Variants in TCEAL8 observed in about 807,000 individuals in gnomAD.
The protein encoded by TCEAL8 is transcription elongation factor A like 8.
For missense variants in TCEAL8, 78 were observed against 92.0 expected (o/e 0.85, Z 0.62); for synonymous variants, 41 against 29.6 (o/e 1.38, Z -1.25).
chrX:103,253,725 A>C lies in TCEAL8; in HGVS notation c.255T>G (p.Leu85=). The C allele has an allele frequency of 2.5e-6, 3 of 1,211,694 alleles. No homozygotes were observed. Among genetic ancestry groups the C allele is most frequent in the Non-Finnish European group, 3.4e-6 (3 of 895,392 alleles). ...MIRGVDELER[L]REEIRRVRNK... is the part of the protein sequence containing the mutation. ...TTCTTACTCTTCTTATCTCTTCCCT[A>C]AGCCTTTCAAGCTCATCTACTCCTC... The change falls in exon 3 of 3, where the codon CTT becomes CTG. Residue 85 remains leucine (L), a synonymous_variant. Coordinates refer to ENST00000372685, the MANE Select transcript of TCEAL8 (RefSeq NM_153333.3).
chrX:103,253,317 C>T lies in TCEAL8; in HGVS notation c.*309G>A, dbSNP rs1422745926. On this transcript the variant is annotated 3_prime_UTR_variant, in exon 3 of 3. Transcript: ENST00000372685. ...GTATGTATACACACACGCACACACA[C>T]AAAGTTTGGAATTTTATCCTACATA... is the stretch of plus-strand genomic sequence containing the variant. 1 of 286,833 alleles carries T rather than the reference C, an allele frequency of 3.5e-6. No individual in the cohort carries two copies. The highest frequency in any genetic ancestry group is 6.1e-6 in the Non-Finnish European group (1 of 163,974). The allele number at this position is 286,833 out of a possible 1,213,427, so 23.6% of individuals were successfully genotyped here.
Position 103,253,832 on chromosome X carries a change from G to A in TCEAL8, c.148C>T (p.Pro50Ser). The A allele has an allele frequency of 8.3e-7, 1 of 1,211,966 alleles. No individual in the cohort carries two copies. Among genetic ancestry groups the A allele is most frequent in the South Asian group, 1.8e-5 (1 of 57,017 alleles). The change falls in exon 3 of 3, where the codon CCC becomes TCC. Residue 50 changes from proline (P) to serine (S), a missense_variant. Transcript: ENST00000372685. ...CCAGGCTGATTCGGCCCTCCTCTGG[G>A]GTTTCCTTCTGCTTCCTGGCTTACG... ...EGVSQEAEGN[P>S]RGGPNQPGQG...
At chrX:103,254,225 C>T (rs1407216093) in intron 2 of TCEAL8, among the ~76,000 whole-genome samples, 2 of 110,651 alleles carry the variant, frequency 1.8e-5, no homozygotes, top group Non-Finnish European at 3.8e-5. Context: ...TCTTTCTCCT[C>T]CTGCTCCTGC....
rs1426119639 is a variant in TCEAL8 at position 103,254,624 on chromosome X, T to C, written c.-58A>G. The C allele has an allele frequency of 1.8e-5, 2 of 111,379 alleles. No homozygotes were observed. Among genetic ancestry groups the C allele is most frequent in the Non-Finnish European group, 3.8e-5 (2 of 53,137 alleles). The allele number at this position is 111,379 out of a possible 1,213,427, so 9.2% of individuals were successfully genotyped here. A position where few individuals can be genotyped will look rare whatever the true frequency, so the allele number is the denominator to read the frequency against. On this transcript the variant is annotated 5_prime_UTR_variant, in exon 2 of 3. Coordinates refer to ENST00000372685, the MANE Select transcript of TCEAL8 (RefSeq NM_153333.3). ...ACTGACCTGCAGGGATTCAGGGGATTTTCCTCTCTCTTCCCTCACCTCGAT... is the reference window on the plus strand; with the variant it reads ...ACTGACCTGCAGGGATTCAGGGGATCTTCCTCTCTCTTCCCTCACCTCGAT...
chrX:103,253,897 G>A lies in TCEAL8; in HGVS notation c.83C>T (p.Pro28Leu). 8.3e-7 allele frequency: 1 copy of A among 1,211,860 alleles called. No individual in the cohort carries two copies. The highest frequency in any genetic ancestry group is 1.1e-6 in the Non-Finnish European group (1 of 895,434). ...TTGAGGATTTCCTTCTGCCTCCTGT[G>A]GTACATCCTCCAAAGGGCGATCTTC... is the stretch of plus-strand genomic sequence containing the variant. ...AEEDRPLEDV[P>L]QEAEGNPQPS... is the part of the protein sequence containing the mutation. The change falls in exon 3 of 3, where the codon CCA (proline) becomes CTA (leucine). Residue 28 changes from proline (P) to leucine (L), a missense_variant. Physicochemically the swap from Pro to Leu is moderately conservative, Grantham distance 98 (BLOSUM62 -3). Coordinates refer to ENST00000372685, the MANE Select transcript of TCEAL8 (RefSeq NM_153333.3).
At position 103,253,913 on chromosome X, in the gene TCEAL8, G is replaced by A. The variant is rs1219144908; in HGVS notation, c.67C>T (p.Pro23Ser). 8.3e-7 allele frequency: 1 copy of A among 1,211,795 alleles called. No individual in the cohort carries two copies. The highest frequency in any genetic ancestry group is 2.2e-5 in the Admixed American group (1 of 46,078). ...QNMPKAEEDRPLEDVPQEAEG... is the reference protein window; with the variant it reads ...QNMPKAEEDRSLEDVPQEAEG... ...GCCTCCTGTGGTACATCCTCCAAAG[G>A]GCGATCTTCCTCGGCCTTTGGCATG... The change falls in exon 3 of 3, where the codon CCT (proline) becomes TCT (serine). Residue 23 changes from proline to serine, a missense_variant. Transcript: ENST00000372685.
At chrX:103,254,263 C>T (rs1303238626) in intron 2 of TCEAL8, among the ~76,000 whole-genome samples, 1 of 110,589 alleles carries the variant, frequency 9.0e-6, no homozygotes, top group Non-Finnish European at 1.9e-5. Context: ...GGCCCTGCTA[C>T]AAGCCTCTCC....
In TCEAL8 at chrX:103,253,602, T is replaced by C. The variant is rs371235354; in HGVS notation, c.*24A>G. On this transcript the variant is annotated 3_prime_UTR_variant, in exon 3 of 3. Transcript: ENST00000372685. ...TAACAGAAAGAAAGCTGGGGCCAGA[T>C]TTTAATATTAGGCAAAAATGAATTC... 4.3e-5 allele frequency: 49 copies of C among 1,132,791 alleles called. No homozygotes were observed. The highest frequency in any genetic ancestry group is 7.3e-5 in the African/African-American group (4 of 54,967). 93.4% of individuals were successfully genotyped at this position (1,132,791 alleles called of 1,213,427 possible). A position where few individuals can be genotyped will look rare whatever the true frequency, so the allele number is the denominator to read the frequency against.
chrX:103,254,314 C>A lies in TCEAL8; in HGVS notation c.-39+291G>T, dbSNP rs1215715809. On this transcript the variant is annotated intron_variant, in intron 2 of 2. Coordinates refer to ENST00000372685, the MANE Select transcript of TCEAL8 (RefSeq NM_153333.3). ...AGCAGTACGGAAGCAATTAACCCTT[C>A]TCCCGCCTCTGGTCTCCAACACTCC... Among the ~76,000 whole-genome samples the A allele has an allele frequency of 8.1e-5, 9 of 110,881 alleles. 1 individual carries two copies. The highest frequency in any genetic ancestry group is 9.5e-5 in the Admixed American group (1 of 10,489).
chrX:103,254,053 G>T, intron 2 of TCEAL8, 36 bp from the exon 3 acceptor site: 1 of 933,160 alleles, frequency 1.1e-6, no homozygotes, highest in Non-Finnish European at 1.5e-6. Context: ...TAGATTCCAG[G>T]CAAACAGACC....
rs1401012128 is a variant in TCEAL8, at chrX:103,253,802, C to T, written c.178G>A (p.Gly60Arg). The T allele has an allele frequency of 8.3e-7, 1 of 1,211,690 alleles. No individual in the cohort carries two copies. Among genetic ancestry groups the T allele is most frequent in the Admixed American group, 2.2e-5 (1 of 46,060 alleles). ...PRGGPNQPGQ[G>R]FKEDTPVRHL... ...CTAACGGGTGTGTCCTCTTTAAATC[C>T]CTGGCCAGGCTGATTCGGCCCTCCT... The change falls in exon 3 of 3, where the codon GGA (glycine) becomes AGA (arginine). Residue 60 changes from glycine (G) to arginine (R), a missense_variant. By Grantham distance (125) the Gly-to-Arg change is moderately radical (BLOSUM62 -2). Coordinates refer to ENST00000372685, the MANE Select transcript of TCEAL8 (RefSeq NM_153333.3).
chrX:103,253,745 C>T lies in TCEAL8; in HGVS notation c.235G>A (p.Val79Ile), dbSNP rs775877842. Residue 79 changes from valine to isoleucine, a missense_variant, in exon 3 of 3, where the codon GTA (valine) becomes ATA (isoleucine). Physicochemically the swap from Val to Ile is conservative, Grantham distance 29 (BLOSUM62 3). Transcript: ENST00000372685. Reference sequence around the variant, plus strand: ...TCCCTAAGCCTTTCAAGCTCATCTACTCCTCTTATCATTTCTTCAGGGTCC... The same window carrying T: ...TCCCTAAGCCTTTCAAGCTCATCTATTCCTCTTATCATTTCTTCAGGGTCC... ...HLDPEEMIRG[V>I]DELERLREEI... The T allele has an allele frequency of 1.3e-5, 16 of 1,210,595 alleles. No homozygotes were observed. In the South Asian group the frequency reaches 2.1e-4, roughly 16 times the overall value.
chrX:103,253,659 G>T lies in TCEAL8; in HGVS notation c.321C>A (p.Arg107=), dbSNP rs144063480. ...VMMHWKQRHS[R]SRPYPVCFRP ...TAAAGCACACAGGATAAGGACGGCT[G>T]CGTGAATGTCTTTGCTTCCAATGCA... The change falls in exon 3 of 3, where the codon CGC becomes CGA. Residue 107 remains arginine (R), a synonymous_variant. Transcript: ENST00000372685. The T allele has an allele frequency of 1.7e-5, 21 of 1,211,320 alleles. No individual in the cohort carries two copies. The South Asian group carries it at 3.7e-4, about 21-fold the overall frequency.
intron 2 of TCEAL8, 82 bp downstream of exon 2, chrX:103,254,523 C>T (rs1925185160): frequency 8.8e-6 from 1 of 113,527 alleles, no homozygotes; most frequent in South Asian, 3.7e-4. Flanking sequence ...CTGCTGCGAC[C>T]CCAGGATGTG....
rs1925156011 is a variant in TCEAL8, at chrX:103,253,535, G to C, written c.*91C>G. On this transcript the variant is annotated 3_prime_UTR_variant, in exon 3 of 3. Transcript: ENST00000372685. ...TACCTAAAACAAAATTTCATCAGAT[G>C]ATTAAAAGTAAAATGGAGGTCAAAG... 2 of 769,856 alleles carry C rather than the reference G, an allele frequency of 2.6e-6. No individual in the cohort carries two copies. The highest frequency in any genetic ancestry group is 2.1e-5 in the African/African-American group (1 of 47,131). 63.4% of individuals were successfully genotyped at this position (769,856 alleles called of 1,213,427 possible). A position where few individuals can be genotyped will look rare whatever the true frequency, so the allele number is the denominator to read the frequency against.
At chrX:103,254,853 G>A (rs1480052410) in intron 1 of TCEAL8, among the ~76,000 whole-genome samples, 176 bp from the exon 2 acceptor site, 1 of 110,408 alleles carries the variant, frequency 9.1e-6, no homozygotes, top group Admixed American at 9.7e-5. Context: ...AGTAGGAAAA[G>A]CAAGTTTCTT....
chrX:103,253,971 C>T lies in TCEAL8; in HGVS notation c.9G>A (p.Lys3=). MQ[K]SCEENEGKPQ... is the part of the protein sequence containing the mutation. ...GTTTTCCCTCATTTTCTTCACAAGACTTTTGCATATTGAGTATTTTTTATT... is the reference window on the plus strand; with the variant it reads ...GTTTTCCCTCATTTTCTTCACAAGATTTTTGCATATTGAGTATTTTTTATT... The change falls in exon 3 of 3, where the codon AAG becomes AAA. Residue 3 remains lysine (K), a synonymous_variant. Coordinates refer to ENST00000372685, the MANE Select transcript of TCEAL8 (RefSeq NM_153333.3). The T allele has an allele frequency of 8.4e-7, 1 of 1,188,837 alleles. No homozygotes were observed.
chrX:103,253,825 C>G lies in TCEAL8; in HGVS notation c.155G>C (p.Gly52Ala). The stretch of plus-strand genomic sequence containing the variant: ...TCCCTGGCCAGGCTGATTCGGCCCT[C>G]CTCTGGGGTTTCCTTCTGCTTCCTG... Reference protein sequence around the residue: ...VSQEAEGNPRGGPNQPGQGFK... With the variant: ...VSQEAEGNPRAGPNQPGQGFK... The change falls in exon 3 of 3, where the codon GGA (glycine) becomes GCA (alanine). Residue 52 changes from glycine (G) to alanine (A), a missense_variant. Transcript: ENST00000372685. 1 of 1,212,099 alleles carries G rather than the reference C, an allele frequency of 8.3e-7. No individual in the cohort carries two copies. Among genetic ancestry groups the G allele is most frequent in the Non-Finnish European group, 1.1e-6 (1 of 895,610 alleles).
In TCEAL8 at chrX:103,253,844, C is replaced by T; in HGVS notation, c.136G>A (p.Ala46Thr). The T allele has an allele frequency of 3.3e-6, 4 of 1,212,195 alleles. No homozygotes were observed. Among genetic ancestry groups the T allele is most frequent in the Non-Finnish European group, 4.5e-6 (4 of 895,602 alleles). Residue 46 changes from alanine (A) to threonine (T), a missense_variant, in exon 3 of 3, where the codon GCA becomes ACA. Coordinates refer to ENST00000372685, the MANE Select transcript of TCEAL8 (RefSeq NM_153333.3). The stretch of plus-strand genomic sequence containing the variant: ...GGCCCTCCTCTGGGGTTTCCTTCTG[C>T]TTCCTGGCTTACGCCTTCTTCGGAA... ...QPSEEGVSQEAEGNPRGGPNQ... is the reference protein window; with the variant it reads ...QPSEEGVSQETEGNPRGGPNQ...
Sources: allele counts gnomAD v4.1 joint callset (sites outside exome capture counted in the v4.1 genomes callset), GRCh38; gene constraint gnomAD v4.1.1; transcripts MANE v1.5; gene names NCBI Gene and HGNC (gene_info 2026-07-23, HGNC 2026-07-21).